Variants in EMC7 observed in about 807,000 individuals in gnomAD.
EMC7 encodes the protein endoplasmic reticulum membrane protein complex subunit 7.
A neutral mutation model predicts 24.4 loss-of-function variants in EMC7; 4 were observed. That is an observed-to-expected ratio of 0.16 (90% confidence interval 0.08 to 0.38). EMC7 has a LOEUF of 0.38. Ranked by LOEUF, EMC7 falls within the 10% of genes least tolerant of loss-of-function variation. EMC7 has a pLI of 1.00. For missense variants in EMC7, 221 were observed against 300.6 expected (o/e 0.74, Z 1.96); for synonymous variants, 106 against 112.0 (o/e 0.95, Z 0.34).
intron 4 of EMC7, among the ~76,000 whole-genome samples, chr15:34,085,581 C>T (rs1900867022): frequency 1.3e-5 from 2 of 151,962 alleles, no homozygotes; most frequent in South Asian, 2.1e-4. Context: ...CACAGCACAG[C>T]ACTAGGCTTC....
Position 34,084,496 on chromosome 15 carries a change from G to A in EMC7, c.577-10C>T, listed in dbSNP as rs775997417. 1 of 1,610,460 alleles carries A rather than the reference G, an allele frequency of 6.2e-7. No individual in the cohort carries two copies. Among genetic ancestry groups the A allele is most frequent in the Admixed American group, 1.7e-5 (1 of 59,886 alleles). ...TTGACTGCTCCATTTCCTGCAAGAA[G>A]ACAAGGCACAATGATATGTAGGATC... On this transcript the variant is annotated splice_polypyrimidine_tract_variant and intron_variant, in intron 4 of 4. Coordinates refer to ENST00000256545, the MANE Select transcript of EMC7 (RefSeq NM_020154.3).
In EMC7 at chr15:34,088,136, G is replaced by T; in HGVS notation, c.496-3C>A. 1 of 1,601,278 alleles carries T rather than the reference G, an allele frequency of 6.2e-7. No individual in the cohort carries two copies. The highest frequency in any genetic ancestry group is 8.5e-7 in the Non-Finnish European group (1 of 1,175,814). Reference sequence around the variant, plus strand: ...AAAGGAAGAACCATCATCATAACCTGCAGAAAAAAAAAATCCAGAAAATGT... The same window carrying T: ...AAAGGAAGAACCATCATCATAACCTTCAGAAAAAAAAAATCCAGAAAATGT... On this transcript the variant is annotated splice_region_variant and splice_polypyrimidine_tract_variant and intron_variant, in intron 3 of 4. Coordinates refer to ENST00000256545, the MANE Select transcript of EMC7 (RefSeq NM_020154.3).
Position 34,084,057 on chromosome 15 carries a change from T to G in EMC7, c.*277A>C. On this transcript the variant is annotated 3_prime_UTR_variant, in exon 5 of 5. Transcript: ENST00000256545. ...AAGATGTTTTAATTAATATACATAA[T>G]GTATAGTAGTTCATATAATTTATTA... The G allele has an allele frequency of 3.5e-6, 1 of 286,570 alleles. No homozygotes were observed. The allele number at this position is 286,570 out of a possible 1,614,324, so 17.8% of individuals were successfully genotyped here.
chr15:34,084,541 T>A (rs1005787108), intron 4 of EMC7, 55 bp from the exon 5 acceptor site: 1 of 1,561,896 alleles, frequency 6.4e-7, no homozygotes, highest in Admixed American at 1.8e-5. Context: ...TTTTAACTCC[T>A]AACACTTCCT....
intron 4 of EMC7, among the ~76,000 whole-genome samples, chr15:34,087,450 TCA>T (rs1900907342): frequency 6.6e-6 from 1 of 152,224 alleles, no homozygotes; most frequent in South Asian, 2.1e-4. Context: ...AATTCAAAGG[TCA>T]CTCTTCTACT....
chr15:34,088,947 C>G (rs1277936409), intron 3 of EMC7, among the ~76,000 whole-genome samples: 1 of 152,138 alleles, frequency 6.6e-6, no homozygotes, highest in African/African-American at 2.4e-5. Flanking sequence ...CCTCCACCCC[C>G]TCTGGTTCAA....
At position 34,084,301 on chromosome 15, in the gene EMC7, T is replaced by C; in HGVS notation, c.*33A>G. The C allele has an allele frequency of 6.3e-7, 1 of 1,596,848 alleles. No individual in the cohort carries two copies. Among genetic ancestry groups the C allele is most frequent in the Non-Finnish European group, 8.6e-7 (1 of 1,167,858 alleles). ...ACTTGGATGCCACCCAGTGTTGCCG[T>C]GTTTGTGCAAATGCCAGCTCTGGAC... On this transcript the variant is annotated 3_prime_UTR_variant, in exon 5 of 5. Coordinates refer to ENST00000256545, the MANE Select transcript of EMC7 (RefSeq NM_020154.3).
At chr15:34,085,117 T>C (rs1234534111) in intron 4 of EMC7, among the ~76,000 whole-genome samples, 1 of 152,220 alleles carries the variant, frequency 6.6e-6, no homozygotes, top group East Asian at 1.9e-4. Flanking sequence ...TTTTTAACTA[T>C]ATATCAAGGT....
At chr15:34,087,390 A>G (rs749327856) in intron 4 of EMC7, among the ~76,000 whole-genome samples, 13 of 152,232 alleles carry the variant, frequency 8.5e-5, no homozygotes, top group Non-Finnish European at 1.8e-4. Context: ...GAAGCATCCT[A>G]CTTAGCAAAT....
intron 2 of EMC7, among the ~76,000 whole-genome samples, chr15:34,093,649 A>G (rs1218853902): frequency 6.6e-6 from 1 of 150,450 alleles, no homozygotes; most frequent in Non-Finnish European, 1.5e-5. Context: ...AAAGCAGTAT[A>G]TATAACATAT....
chr15:34,086,131 T>A (rs544330502), intron 4 of EMC7: 13 of 379,518 alleles, frequency 3.4e-5, no homozygotes, highest in African/African-American at 2.4e-4. Context: ...TCTTTGCTGC[T>A]CCCATAACCA....
chr15:34,093,319 C>T (rs1008815235), intron 2 of EMC7, among the ~76,000 whole-genome samples: 2 of 152,000 alleles, frequency 1.3e-5, no homozygotes, highest in Non-Finnish European at 2.9e-5. Flanking sequence ...TGCCTGTAGT[C>T]CCAGCTACTC....
intron 1 of EMC7, chr15:34,100,716 A>G (rs538909947): frequency 6.6e-6 from 1 of 152,356 alleles, no homozygotes; most frequent in Non-Finnish European, 1.5e-5. Flanking sequence ...TCTGATTTTC[A>G]GATACCATTT....
intron 2 of EMC7, among the ~76,000 whole-genome samples, chr15:34,093,202 G>A (rs1408214935): frequency 6.6e-6 from 1 of 152,178 alleles, no homozygotes; most frequent in South Asian, 2.1e-4. Flanking sequence ...TACTTTGGGA[G>A]GCCGAGGCAG....
At position 34,093,782 on chromosome 15, in the gene EMC7, T is replaced by TAC. The variant is rs143551689; in HGVS notation, c.356+2111_356+2112dup. On this transcript the variant is annotated intron_variant, in intron 2 of 4. Transcript: ENST00000256545. ...AACTTTACATATACACATATATGTA[T>TAC]ACACACACACACACACACACACACA... Among the ~76,000 whole-genome samples, 24 of 23,398 alleles carry TAC rather than the reference T, an allele frequency of 1.0e-3. No homozygotes were observed. In the South Asian group the frequency reaches 0.014, roughly 13 times the overall value. 15.3% of individuals were successfully genotyped at this position (23,398 alleles called of 152,430 possible).
chr15:34,099,618 TC>T (rs1198531515), intron 1 of EMC7, among the ~76,000 whole-genome samples: 1 of 152,160 alleles, frequency 6.6e-6, no homozygotes, highest in African/African-American at 2.4e-5. Context: ...TTTCTTTTTT[TC>T]CTGAGAGACG....
At chr15:34,097,039 C>CCTTCTTTTTT (rs1555523493) in intron 1 of EMC7, among the ~76,000 whole-genome samples, 1 of 97,622 alleles carries the variant, frequency 1.0e-5, no homozygotes, top group Non-Finnish European at 1.9e-5. Flanking sequence ...TGTTCTTCTT[C>CCTTCTTTTTT]TTTTTTTTTT....
chr15:34,101,814 A>G lies in EMC7; in HGVS notation c.26T>C (p.Phe9Ser). 1 of 1,610,094 alleles carries G rather than the reference A, an allele frequency of 6.2e-7. No individual in the cohort carries two copies. The highest frequency in any genetic ancestry group is 2.2e-5 in the East Asian group (1 of 44,848). The change falls in exon 1 of 5, where the codon TTT (phenylalanine) becomes TCT (serine). Residue 9 changes from phenylalanine to serine, a missense_variant. Around this residue, in one of 2 missense-constraint regions of EMC7, gnomAD observed 156 missense variants for 177.1 expected, o/e 0.88. Coordinates refer to ENST00000256545, the MANE Select transcript of EMC7 (RefSeq NM_020154.3). ...TAGCAGCAGCAGCAGCAGGACGGGAAAGAAGCCCCACAGAGCGGCCGCCAT... is the reference window on the plus strand; with the variant it reads ...TAGCAGCAGCAGCAGCAGGACGGGAGAGAAGCCCCACAGAGCGGCCGCCAT... Reference protein sequence around the residue: MAAALWGFFPVLLLLLLSG... With the variant: MAAALWGFSPVLLLLLLSG...
intron 1 of EMC7, chr15:34,100,568 T>A (rs1901158136): frequency 6.6e-6 from 1 of 152,188 alleles, no homozygotes; most frequent in Non-Finnish European, 1.5e-5. Flanking sequence ...AGATTCTTAA[T>A]GACAGACAGC....
Sources: allele counts gnomAD v4.1 joint callset (sites outside exome capture counted in the v4.1 genomes callset), GRCh38; gene constraint gnomAD v4.1.1; regional missense constraint gnomAD v4.1.1; transcripts MANE v1.5; gene names NCBI Gene and HGNC (gene_info 2026-07-23, HGNC 2026-07-21).